The following SLC13A1 variants were observed in gnomAD, a reference collection of about 807,000 sequenced individuals.
The protein encoded by SLC13A1 is Na(+)/sulfate cotransporter.
Under a neutral mutation model 70.0 loss-of-function variants are expected in SLC13A1, and 65 were observed. That is an observed-to-expected ratio of 0.93 (90% CI 0.76 to 1.14). The LOEUF is 1.14. Among genes scored for constraint, SLC13A1 ranks in the 50% most tolerant of loss-of-function variants. The pLI is 0.00. For missense variants in SLC13A1, 726 were observed against 717.8 expected (o/e 1.01, Z -0.13); for synonymous variants, 275 against 250.5 (o/e 1.10, Z -0.92).
chr7:123,192,922 T>A (rs1404617674), intron 1 of SLC13A1, among the ~76,000 whole-genome samples: 5 of 152,142 alleles, frequency 3.3e-5, no homozygotes, highest in South Asian at 2.1e-4. Flanking sequence ...TCTTTTTTTT[T>A]AAGTTTTTAG....
At chr7:123,182,661 T>C (rs983887130) in intron 1 of SLC13A1, among the ~76,000 whole-genome samples, 2 of 152,076 alleles carry the variant, frequency 1.3e-5, no homozygotes, top group African/African-American at 4.8e-5. Flanking sequence ...TGCTAGCTGG[T>C]TCTGTTCACC....
chr7:123,153,844 A>T (rs770231449), intron 6 of SLC13A1, among the ~76,000 whole-genome samples: 3 of 152,154 alleles, frequency 2.0e-5, no homozygotes, highest in Non-Finnish European at 4.4e-5. Flanking sequence ...ATATTTCTAC[A>T]TATACACATG....
At chr7:123,136,429 G>T (rs1226718425) in intron 7 of SLC13A1, among the ~76,000 whole-genome samples, 1 of 152,062 alleles carries the variant, frequency 6.6e-6, no homozygotes, top group Non-Finnish European at 1.5e-5. Context: ...AGAAATATAT[G>T]GCATACTCTA....
chr7:123,132,611 A>T (rs1006785294), intron 8 of SLC13A1, among the ~76,000 whole-genome samples: 6 of 152,140 alleles, frequency 3.9e-5, no homozygotes, highest in African/African-American at 1.4e-4. Context: ...ACCTCAGGAG[A>T]TCCACTCCCC....
In SLC13A1 at chr7:123,181,041, G is replaced by T. The variant is rs777702216; in HGVS notation, c.160C>A (p.Pro54Thr). ...VATFWLTEAL[P>T]LSVTALLPSL... is the part of the protein sequence containing the mutation. Reference sequence around the variant, plus strand: ...GGTAGCAAAGCTGTTACCGACAGAGGCAATGCTTCTGTGAGCCAAAATGTG... The same window carrying T: ...GGTAGCAAAGCTGTTACCGACAGAGTCAATGCTTCTGTGAGCCAAAATGTG... Residue 54 changes from proline to threonine, a missense_variant, in exon 2 of 15, where the codon CCT (proline) becomes ACT (threonine). Transcript: ENST00000194130. The T allele has an allele frequency of 6.2e-7, 1 of 1,612,698 alleles. No individual in the cohort carries two copies. Among genetic ancestry groups the T allele is most frequent in the South Asian group, 1.1e-5 (1 of 91,034 alleles).
At chr7:123,173,841 C>T (rs1795354417) in intron 2 of SLC13A1, among the ~76,000 whole-genome samples, 1 of 152,086 alleles carries the variant, frequency 6.6e-6, no homozygotes, top group South Asian at 2.1e-4. Context: ...GCTATGGTCT[C>T]TGAGCTCTTA....
intron 1 of SLC13A1, among the ~76,000 whole-genome samples, chr7:123,198,543 A>C (rs966076555): frequency 1.3e-5 from 2 of 152,006 alleles, no homozygotes; most frequent in South Asian, 4.1e-4. Flanking sequence ...AGAAGATTGC[A>C]CCTGGTGGGA....
intron 7 of SLC13A1, among the ~76,000 whole-genome samples, chr7:123,141,578 T>C (rs1185529289): frequency 6.6e-6 from 1 of 152,108 alleles, no homozygotes; most frequent in South Asian, 2.1e-4. Flanking sequence ...CTAGCTCTAA[T>C]AGTATCTGCT....
intron 6 of SLC13A1, among the ~76,000 whole-genome samples, chr7:123,158,219 A>G (rs968564309): frequency 6.6e-6 from 1 of 152,098 alleles, no homozygotes; most frequent in Admixed American, 6.6e-5. Context: ...TTGGACACAG[A>G]CACAAAATAT....
At position 123,115,352 on chromosome 7, in the gene SLC13A1, A is replaced by G. The variant is rs1264067461; in HGVS notation, c.*166T>C. 1 of 583,462 alleles carries G rather than the reference A, an allele frequency of 1.7e-6. No individual in the cohort carries two copies. The highest frequency in any genetic ancestry group is 2.8e-5 in the South Asian group (1 of 35,800). The allele number at this position is 583,462 out of a possible 1,614,324, so 36.1% of individuals were successfully genotyped here. ...CTTTAGTTGCACTGCAATAACAAAT[A>G]TGGACTCTGAGTTATAACAGCAGGT... On this transcript the variant is annotated 3_prime_UTR_variant, in exon 15 of 15. Transcript: ENST00000194130.
At chr7:123,119,320 A>G in intron 12 of SLC13A1, 78 bp from the exon 13 acceptor site, 1 of 1,008,038 alleles carries the variant, frequency 9.9e-7, no homozygotes, top group Non-Finnish European at 1.4e-6. Context: ...ATAAAAAAAC[A>G]TTATTTCCTT....
At chr7:123,173,362 G>A (rs1158217426) in intron 2 of SLC13A1, among the ~76,000 whole-genome samples, 1 of 152,064 alleles carries the variant, frequency 6.6e-6, no homozygotes, top group Non-Finnish European at 1.5e-5. Flanking sequence ...GTCTTTCAAA[G>A]TTTATATCTA....
chr7:123,180,414 T>G (rs755617025), intron 2 of SLC13A1, among the ~76,000 whole-genome samples: 1 of 152,078 alleles, frequency 6.6e-6, no homozygotes, highest in Non-Finnish European at 1.5e-5. Context: ...GAGACTGGTT[T>G]CAATGCGTTT....
At position 123,179,992 on chromosome 7, in the gene SLC13A1, C is replaced by G. The variant is rs74852219; in HGVS notation, c.228+981G>C. On this transcript the variant is annotated intron_variant, in intron 2 of 14. Transcript: ENST00000194130. ...TAGATTATAGCTCTGAGATTCCATG[C>G]GGCAGCAGAATGTCAGCCTGGAGGC... Among the ~76,000 whole-genome samples the G allele has an allele frequency of 8.4e-3, 1,274 of 152,124 alleles. 19 individuals carry two copies. Among genetic ancestry groups the G allele is most frequent in the African/African-American group, 0.028 (1,182 of 41,502 alleles).
chr7:123,136,385 C>A (rs1490289676), intron 7 of SLC13A1, among the ~76,000 whole-genome samples: 2 of 152,010 alleles, frequency 1.3e-5, no homozygotes, highest in Admixed American at 6.6e-5. Flanking sequence ...TAACCTTTAC[C>A]CTTATACCTA....
chr7:123,152,776 C>T (rs888817378), intron 6 of SLC13A1, among the ~76,000 whole-genome samples: 1 of 152,006 alleles, frequency 6.6e-6, no homozygotes, highest in Non-Finnish European at 1.5e-5. Flanking sequence ...ATATTTTATA[C>T]ATAGAAATCA....
intron 10 of SLC13A1, among the ~76,000 whole-genome samples, chr7:123,126,116 G>A (rs1041187253): frequency 6.6e-6 from 1 of 152,148 alleles, no homozygotes; most frequent in Non-Finnish European, 1.5e-5. Flanking sequence ...GTGGCAAGGC[G>A]TGATATTTCT....
chr7:123,144,753 C>T (rs1044241690), intron 7 of SLC13A1, among the ~76,000 whole-genome samples: 1 of 152,126 alleles, frequency 6.6e-6, no homozygotes, highest in Non-Finnish European at 1.5e-5. Context: ...TCAAGGTTGA[C>T]TCTTAGGAAG....
intron 1 of SLC13A1, among the ~76,000 whole-genome samples, chr7:123,184,859 T>C (rs1284632672): frequency 1.3e-5 from 2 of 152,110 alleles, no homozygotes; most frequent in African/African-American, 4.8e-5. Context: ...TGCTGGATCA[T>C]ACAGTAGTTC....
Sources: gnomAD v4.1 joint callset for allele counts (sites outside exome capture counted in the v4.1 genomes callset) on GRCh38, gnomAD v4.1.1 for gene constraint, MANE v1.5 for transcripts, NCBI Gene and HGNC (gene_info 2026-07-23, HGNC 2026-07-21) for gene names.